The following RAPGEF2 variants were observed in gnomAD, a reference collection of about 807,000 sequenced individuals.
RAPGEF2 encodes Rap guanine nucleotide exchange factor 2, also known as PDZ domain containing guanine nucleotide exchange factor (GEF) 1.
RAPGEF2 carries 54 observed loss-of-function variants against 186.7 expected under a neutral mutation model. The ratio of observed to expected loss-of-function variants is 0.29; its 90% confidence interval spans 0.23 to 0.36. The LOEUF (loss-of-function observed/expected upper bound fraction) is 0.36, where lower values mean the gene tolerates loss of function less well. Ranked by LOEUF, RAPGEF2 falls within the 10% of genes least tolerant of loss-of-function variation. The pLI is 1.00. For missense variants in RAPGEF2, 1,532 were observed against 2,045.0 expected, an observed-to-expected ratio of 0.75 and a Z score of 4.84; for synonymous variants, 712 against 705.9, an observed-to-expected ratio of 1.01 and a Z score of -0.14.
At chr4:159,165,301 C>T (rs1014006187) in intron 1 of RAPGEF2, among the ~76,000 whole-genome samples, 1 of 152,084 alleles carries the variant, frequency 6.6e-6, no homozygotes, top group Non-Finnish European at 1.5e-5. Context: ...CCAACTGGTA[C>T]AAAGTTTTAA....
At chr4:159,170,906 T>G (rs1265360375) in intron 1 of RAPGEF2, among the ~76,000 whole-genome samples, 1 of 152,178 alleles carries the variant, frequency 6.6e-6, no homozygotes, top group African/African-American at 2.4e-5. Context: ...ATTTTATTCT[T>G]CTGCATGTGT....
intron 2 of RAPGEF2, among the ~76,000 whole-genome samples, chr4:159,187,520 G>T (rs1747682011): frequency 6.6e-6 from 1 of 152,140 alleles, no homozygotes; most frequent in African/African-American, 2.4e-5. Context: ...CATTATTTTA[G>T]TATGTTGTAT....
chr4:159,191,421 G>A (rs1748106957), intron 2 of RAPGEF2, among the ~76,000 whole-genome samples: 1 of 152,010 alleles, frequency 6.6e-6, no homozygotes, highest in Non-Finnish European at 1.5e-5. Context: ...AGTGGGGAAA[G>A]GGGTGAGAAA....
At chr4:159,163,146 G>A (rs1224166330) in intron 1 of RAPGEF2, among the ~76,000 whole-genome samples, 1 of 152,164 alleles carries the variant, frequency 6.6e-6, no homozygotes, top group Admixed American at 6.5e-5. Flanking sequence ...CTTACCAAAA[G>A]ATGGGCATGC....
At chr4:159,107,549 T>C (rs1191721743) in intron 1 of RAPGEF2, among the ~76,000 whole-genome samples, 1 of 152,162 alleles carries the variant, frequency 6.6e-6, no homozygotes, top group African/African-American at 2.4e-5. Context: ...GTTGTAAAAG[T>C]TACTGTTAAA....
intron 1 of RAPGEF2, among the ~76,000 whole-genome samples, chr4:159,122,475 T>C (rs1739807339): frequency 6.6e-6 from 1 of 150,626 alleles, no homozygotes; most frequent in Non-Finnish European, 1.5e-5. Flanking sequence ...CAAGACTTTG[T>C]CTCAAAAAAA....
At chr4:159,178,773 G>C (rs1338614239) in intron 1 of RAPGEF2, among the ~76,000 whole-genome samples, 1 of 151,948 alleles carries the variant, frequency 6.6e-6, no homozygotes, top group Non-Finnish European at 1.5e-5. Context: ...TAGCCAGGCT[G>C]GTCTTGAGCT....
In RAPGEF2 at chr4:159,345,237, A is replaced by C; in HGVS notation, c.3410A>C (p.Lys1137Thr). 1 of 1,614,200 alleles carries C rather than the reference A, an allele frequency of 6.2e-7. No individual in the cohort carries two copies. Among genetic ancestry groups the C allele is most frequent in the Non-Finnish European group, 8.5e-7 (1 of 1,180,014 alleles). Residue 1137 changes from lysine (K) to threonine (T), a missense_variant, in exon 24 of 30, where the codon AAA becomes ACA. Transcript: ENST00000691494. ...KLYEDAQMAR[K>T]VKQYLSNLEL... ...TATGAAGATGCCCAAATGGCTCGAA[A>C]AGTGAAGCAGTACCTTTCCAATTTG...
chr4:159,187,280 T>C (rs1376311774), intron 2 of RAPGEF2, among the ~76,000 whole-genome samples: 1 of 152,108 alleles, frequency 6.6e-6, no homozygotes, highest in African/African-American at 2.4e-5. Flanking sequence ...AGGGTCTGTC[T>C]CTGTCTCTTT....
At position 159,322,435 on chromosome 4, in the gene RAPGEF2, C is replaced by T. The variant is rs765963798; in HGVS notation, c.942C>T (p.Phe314=). The T allele has an allele frequency of 2.4e-5, 39 of 1,613,686 alleles. No homozygotes were observed. The highest frequency in any genetic ancestry group is 1.7e-4 in the Admixed American group (10 of 59,996). ...VRRELCAVMV[F]AVVERAGTIV... ...GAGAACTCTGTGCTGTGATGGTGTT[C>T]GCAGTGGTGGAAAGAGCAGGGACCA... Residue 314 remains phenylalanine, a synonymous_variant, in exon 10 of 30, where the codon TTC becomes TTT. Coordinates refer to ENST00000691494, the MANE Select transcript of RAPGEF2 (RefSeq NM_001394067.2).
intron 1 of RAPGEF2, among the ~76,000 whole-genome samples, chr4:159,104,842 A>G (rs983941808): frequency 1.3e-5 from 2 of 152,090 alleles, no homozygotes. Flanking sequence ...TTTTGCTTTT[A>G]TTTTTTAAAG....
At chr4:159,169,408 A>G (rs1745667658) in intron 1 of RAPGEF2, among the ~76,000 whole-genome samples, 2 of 152,234 alleles carry the variant, frequency 1.3e-5, no homozygotes, top group African/African-American at 4.8e-5. Flanking sequence ...AATTGAGCCA[A>G]TTAACATACA....
intron 7 of RAPGEF2, among the ~76,000 whole-genome samples, chr4:159,253,860 C>T (rs28755457): frequency 0.035 from 5,365 of 151,838 alleles, 291 homozygotes; most frequent in African/African-American, 0.12. Context: ...CCCAGCTACT[C>T]GGGAGGCTGA....
At position 159,241,340 on chromosome 4, in the gene RAPGEF2, A is replaced by G; in HGVS notation, c.497A>G (p.Lys166Arg). ...ACTGTGGATCCTTATCCCATGGGCA[A>G]ACCTCCTTTGCCTAGAGGCTATCAC... is the stretch of plus-strand genomic sequence containing the variant. Reference protein sequence around the residue: ...IDTVDPYPMGKPPLPRGYHTE... With the variant: ...IDTVDPYPMGRPPLPRGYHTE... The change falls in exon 6 of 30, where the codon AAA becomes AGA. Residue 166 changes from lysine (K) to arginine (R), a missense_variant. Transcript: ENST00000691494. 1 of 1,520,428 alleles carries G rather than the reference A, an allele frequency of 6.6e-7. No individual in the cohort carries two copies. Among genetic ancestry groups the G allele is most frequent in the Non-Finnish European group, 8.8e-7 (1 of 1,137,526 alleles). The allele number at this position is 1,520,428 out of a possible 1,614,324, so 94.2% of individuals were successfully genotyped here. A position where few individuals can be genotyped will look rare whatever the true frequency, so the allele number is the denominator to read the frequency against.
intron 1 of RAPGEF2, among the ~76,000 whole-genome samples, chr4:159,104,553 A>AGAGAGAGAGTGTGT (rs1553991869): frequency 7.4e-6 from 1 of 136,028 alleles, no homozygotes; most frequent in Non-Finnish European, 1.6e-5. Flanking sequence ...AGAGAGAGAG[A>AGAGAGAGAGTGTGT]GTGTGTGTGT....
In RAPGEF2 at chr4:159,104,198, G is replaced by A. The variant is rs1419728633; in HGVS notation, c.36G>A (p.Ala12=). ...ACGTAGATAACAGCTTCCGCCAGGCGGTGATGAAGAATCCCCCCGAAAGGA... is the reference window on the plus strand; with the variant it reads ...ACGTAGATAACAGCTTCCGCCAGGCAGTGATGAAGAATCCCCCCGAAAGGA... The part of the protein sequence containing the change: ...ASYVDNSFRQ[A]VMKNPPERTP... The change falls in exon 1 of 30, where the codon GCG becomes GCA. Residue 12 remains alanine, a synonymous_variant. Transcript: ENST00000691494. 8 of 1,522,672 alleles carry A rather than the reference G, an allele frequency of 5.3e-6. No homozygotes were observed. The Admixed American group carries it at 9.9e-5, about 19-fold the overall frequency. The allele number at this position is 1,522,672 out of a possible 1,614,324, so 94.3% of individuals were successfully genotyped here. A position where few individuals can be genotyped will look rare whatever the true frequency, so the allele number is the denominator to read the frequency against.
At chr4:159,109,648 G>A (rs1416424077) in intron 1 of RAPGEF2, among the ~76,000 whole-genome samples, 4 of 152,224 alleles carry the variant, frequency 2.6e-5, no homozygotes, top group Non-Finnish European at 4.4e-5. Flanking sequence ...TAAGTAGATT[G>A]TAATTCATGA....
At chr4:159,252,636 A>G (rs945826420) in intron 7 of RAPGEF2, among the ~76,000 whole-genome samples, 10 of 152,190 alleles carry the variant, frequency 6.6e-5, no homozygotes, top group African/African-American at 2.2e-4. Context: ...CTGAAAGAGC[A>G]GCCAGCTATT....
intron 4 of RAPGEF2, among the ~76,000 whole-genome samples, chr4:159,225,754 A>T (rs916105006): frequency 6.6e-6 from 1 of 151,980 alleles, no homozygotes; most frequent in African/African-American, 2.4e-5. Context: ...GAATTTTTTC[A>T]TGTGTTTGTT....
Sources: gnomAD v4.1 joint callset for allele counts (sites outside exome capture counted in the v4.1 genomes callset) on GRCh38, gnomAD v4.1.1 for gene constraint, MANE v1.5 for transcripts, NCBI Gene and HGNC (gene_info 2026-07-23, HGNC 2026-07-21) for gene names.